FBLN7: variants seen among roughly 807,000 people sequenced by gnomAD.
The protein encoded by FBLN7 is fibulin 7.
A neutral mutation model predicts 44.0 loss-of-function variants in FBLN7; 31 were observed. The observed-to-expected ratio is 0.70, with a 90% CI of 0.53 to 0.95. The LOEUF (loss-of-function observed/expected upper bound fraction) is 0.95. Ranked by LOEUF, FBLN7 falls within the 40% of genes least tolerant of loss-of-function variation. FBLN7 has a pLI of 0.00. For synonymous variants in FBLN7, 262 were observed against 253.4 expected (o/e 1.03, Z -0.32); for missense variants, 573 against 618.5 (o/e 0.93, Z 0.78).
the FBLN7 span, chr2:112,238,608 G>T: frequency 8.5e-7 from 1 of 1,176,662 alleles, no homozygotes; most frequent in Non-Finnish European, 1.2e-6. Flanking sequence ...AACAAGATTG[G>T]CTATAAACTG....
Position 112,138,508 on chromosome 2 carries a change from GGCCTCCCGCCTCCCCCCCTGCCCCAGCC to G in FBLN7, c.-144_-117del. The G allele has an allele frequency of 2.8e-6, 3 of 1,066,796 alleles. No homozygotes were observed. In the African/African-American group the frequency reaches 5.1e-5, roughly 18 times the overall value. The allele number at this position is 1,066,796 out of a possible 1,614,324, so 66.1% of individuals were successfully genotyped here. ...TCCCCGCGGGACGCGCTGCGCTCGG[GGCCTCCCGCCTCCCCCCCTGCCCCAGCC>G]GCCCCCCGGCCGCGCGGCGCCCCGC... On this transcript the variant is annotated 5_prime_UTR_variant, in exon 1 of 8. Transcript: ENST00000331203.
At chr2:112,233,551 T>C in the FBLN7 span, among the ~76,000 whole-genome samples, 2 of 151,268 alleles carry the variant, frequency 1.3e-5, no homozygotes, top group African/African-American at 4.9e-5. Flanking sequence ...TAAAATCTTC[T>C]TAAGTCCCAA....
Position 112,187,311 on chromosome 2 carries a change from C to G in FBLN7, c.1125C>G (p.Ile375Met). 1 of 1,614,110 alleles carries G rather than the reference C, an allele frequency of 6.2e-7. No homozygotes were observed. The highest frequency in any genetic ancestry group is 1.1e-5 in the South Asian group (1 of 91,086). ...GGCCCAACAGCCTGCGGTTTGGGAT[C>G]GTGGGTGGGAACAGCCGCGGCCACT... The part of the protein sequence containing the change: ...RAGPNSLRFG[I>M]VGGNSRGHFV... Residue 375 changes from isoleucine to methionine, a missense_variant, in exon 8 of 8, where the codon ATC (isoleucine) becomes ATG (methionine). Transcript: ENST00000331203. This position sits in a 1 kb window ranked among gnomAD's most constrained non-coding sequence, Gnocchi z 5.1.
At chr2:112,159,437 C>T (rs1417260383) in intron 1 of FBLN7, among the ~76,000 whole-genome samples, 1 of 152,190 alleles carries the variant, frequency 6.6e-6, no homozygotes, top group Non-Finnish European at 1.5e-5. Context: ...AATAACTGTT[C>T]ATCCACCCGG....
At chr2:112,193,268 C>T in the FBLN7 span, among the ~76,000 whole-genome samples, 1 of 152,146 alleles carries the variant, frequency 6.6e-6, no homozygotes, top group Non-Finnish European at 1.5e-5. Context: ...TGGTGAAACT[C>T]CATCTCTACT....
At chr2:112,227,770 C>T in the FBLN7 span, among the ~76,000 whole-genome samples, 3 of 152,118 alleles carry the variant, frequency 2.0e-5, no homozygotes, top group Non-Finnish European at 4.4e-5. Context: ...AAAAAGTGTA[C>T]ACTGTACACT....
In FBLN7 at chr2:112,138,550, G is replaced by A; in HGVS notation, c.-106G>A. On this transcript the variant is annotated 5_prime_UTR_variant, in exon 1 of 8. Coordinates refer to ENST00000331203, the MANE Select transcript of FBLN7 (RefSeq NM_153214.3). Reference sequence around the variant, plus strand: ...CCTGCCCCAGCCGCCCCCCGGCCGCGCGGCGCCCCGCACCCTGCAGGGACG... The same window carrying A: ...CCTGCCCCAGCCGCCCCCCGGCCGCACGGCGCCCCGCACCCTGCAGGGACG... 4.6e-6 allele frequency: 7 copies of A among 1,514,342 alleles called. No individual in the cohort carries two copies. Among genetic ancestry groups the A allele is most frequent in the Admixed American group, 1.9e-5 (1 of 52,180 alleles). 93.8% of individuals were successfully genotyped at this position (1,514,342 alleles called of 1,614,324 possible).
intron 1 of FBLN7, among the ~76,000 whole-genome samples, chr2:112,156,281 G>A (rs1417420546): frequency 6.6e-6 from 1 of 152,170 alleles, no homozygotes. Flanking sequence ...GGCGGGGCTG[G>A]GTGGGAGTCA....
chr2:112,167,654 C>T (rs769126462), intron 3 of FBLN7, among the ~76,000 whole-genome samples: 15 of 152,222 alleles, frequency 9.9e-5, no homozygotes, highest in African/African-American at 2.4e-5. Context: ...AGACCCAAAA[C>T]ATCTGCATTT....
At chr2:112,201,827 C>T in the FBLN7 span, among the ~76,000 whole-genome samples, 201 of 152,232 alleles carry the variant, frequency 1.3e-3, no homozygotes, top group Admixed American at 3.5e-3. Context: ...CTGTTGATTC[C>T]AGGTTTACCT....
At chr2:112,201,226 A>AT in the FBLN7 span, among the ~76,000 whole-genome samples, 1 of 152,162 alleles carries the variant, frequency 6.6e-6, no homozygotes, top group African/African-American at 2.4e-5. Context: ...CTCTTTACAA[A>AT]TCCTGTGATT....
intron 1 of FBLN7, among the ~76,000 whole-genome samples, chr2:112,155,606 ATGCAGCCT>A (rs1181644381): frequency 6.6e-6 from 1 of 152,172 alleles, no homozygotes; most frequent in Non-Finnish European, 1.5e-5. Flanking sequence ...TGGGACGGAG[ATGCAGCCT>A]TGGTTTGCTT....
chr2:112,212,288 C>T, the FBLN7 span: 19,618 of 152,266 alleles, frequency 0.13, 1,415 homozygotes, highest in Non-Finnish European at 0.16. Context: ...TACCTCCTAA[C>T]AGTTAGTCCT....
At chr2:112,184,787 G>GTA (rs776411654) in intron 6 of FBLN7, among the ~76,000 whole-genome samples, 40 of 134,012 alleles carry the variant, frequency 3.0e-4, no homozygotes, top group East Asian at 8.6e-4. Context: ...TATGGTGTGT[G>GTA]TATATATATA....
In FBLN7 at chr2:112,187,348, C is replaced by T. The variant is rs756575507; in HGVS notation, c.1162C>T (p.Arg388Cys). 1.1e-5 allele frequency: 17 copies of T among 1,614,162 alleles called. No individual in the cohort carries two copies. The highest frequency in any genetic ancestry group is 2.2e-5 in the East Asian group (1 of 44,886). ...CAGCCGCGGCCACTTTGTGATGCAG[C>T]GTTCAGACCGGCAGACTGGGGATCT... is the stretch of plus-strand genomic sequence containing the variant. Reference protein sequence around the residue: ...GNSRGHFVMQRSDRQTGDLIL... With the variant: ...GNSRGHFVMQCSDRQTGDLIL... Residue 388 changes from arginine to cysteine, a missense_variant, in exon 8 of 8, where the codon CGT (arginine) becomes TGT (cysteine). Physicochemically the swap from Arg to Cys is radical, Grantham distance 180 (BLOSUM62 -3). Transcript: ENST00000331203. This position sits in a 1 kb window ranked among gnomAD's most constrained non-coding sequence, Gnocchi z 5.1.
chr2:112,217,100 G>A, the FBLN7 span, among the ~76,000 whole-genome samples: 1 of 152,182 alleles, frequency 6.6e-6, no homozygotes, highest in Non-Finnish European at 1.5e-5. Flanking sequence ...CAGGCGCGGT[G>A]GCTCACACCT....
intron 4 of FBLN7, among the ~76,000 whole-genome samples, chr2:112,180,922 C>CAAAAAAAAAAAAAAAAAAAAAAACAA (rs1682957938): frequency 1.3e-5 from 1 of 74,310 alleles, no homozygotes; most frequent in Non-Finnish European, 2.4e-5. Flanking sequence ...GACTCTGTCT[C>CAAAAAAAAAAAAAAAAAAAAAAACAA]AAAAAAAAAA....
intron 1 of FBLN7, among the ~76,000 whole-genome samples, chr2:112,146,186 G>A (rs1680889824): frequency 6.6e-6 from 1 of 152,200 alleles, no homozygotes; most frequent in South Asian, 2.1e-4. Flanking sequence ...CAGGCGTGGT[G>A]GCACATGCCT....
the FBLN7 span, among the ~76,000 whole-genome samples, chr2:112,218,361 A>G: frequency 4.6e-5 from 7 of 152,184 alleles, no homozygotes; most frequent in African/African-American, 1.7e-4. Flanking sequence ...CTTCTAGTGG[A>G]AATGCCTCTA....
Sources: gnomAD v4.1 joint callset for allele counts (sites outside exome capture counted in the v4.1 genomes callset) on GRCh38, gnomAD v4.1.1 for gene constraint, Gnocchi (gnomAD v3.1) non-coding constraint, MANE v1.5 for transcripts, NCBI Gene and HGNC (gene_info 2026-07-23, HGNC 2026-07-21) for gene names.